NRG2: variants seen among roughly 807,000 people sequenced by gnomAD.
NRG2 encodes the protein neuregulin 2.
A neutral mutation model predicts 73.9 loss-of-function variants in NRG2; 27 were observed. That is an observed-to-expected ratio of 0.37 (90% CI 0.27 to 0.50). NRG2 has a LOEUF of 0.50. NRG2 is among the 20% of genes least tolerant of loss of function. The probability of loss-of-function intolerance (pLI) is 0.96; values close to 1 mark genes in which losing one functional copy is unlikely to be tolerated. For synonymous variants in NRG2, 532 were observed against 541.0 expected (o/e 0.98, Z 0.23); for missense variants, 1,126 against 1,210.1 (o/e 0.93, Z 1.03).
chr5:140,038,293 T>C (rs1761658895), intron 1 of NRG2, among the ~76,000 whole-genome samples: 1 of 152,170 alleles, frequency 6.6e-6, no homozygotes, highest in Non-Finnish European at 1.5e-5. Flanking sequence ...TGTTTGTTAA[T>C]TCAAACCGAC....
Position 139,855,938 on chromosome 5 carries a change from A to G in NRG2, c.1190-160T>C, listed in dbSNP as rs187164269. 1.1e-4 allele frequency among the ~76,000 whole-genome samples: 16 copies of G among 152,052 alleles called. No individual in the cohort carries two copies. In the East Asian group the frequency reaches 2.1e-3, roughly 20 times the overall value. On this transcript the variant is annotated intron_variant, in intron 5 of 9. Transcript: ENST00000361474. Reference sequence around the variant, plus strand: ...TTCTCCAGCCAGTTCCTTCCCTCCTACATGCTCTGTTTTGCCTTCCACTTC... The same window carrying G: ...TTCTCCAGCCAGTTCCTTCCCTCCTGCATGCTCTGTTTTGCCTTCCACTTC...
At chr5:139,935,091 C>T (rs867877383) in intron 1 of NRG2, among the ~76,000 whole-genome samples, 29 of 152,202 alleles carry the variant, frequency 1.9e-4, no homozygotes, top group Middle Eastern at 6.8e-3. Flanking sequence ...TGCTTGAACC[C>T]AGGAGGCAGA....
intron 3 of NRG2, 78 bp downstream of exon 3, chr5:139,880,778 G>A (rs1350024403): frequency 2.9e-6 from 3 of 1,039,954 alleles, no homozygotes; most frequent in Admixed American, 4.1e-5. Flanking sequence ...ATCACATGCA[G>A]GCCCCAAGGG....
chr5:139,915,552 T>C lies in NRG2; in HGVS notation c.701-28041A>G, dbSNP rs1251589761. Among the ~76,000 whole-genome samples the C allele has an allele frequency of 6.6e-6, 1 of 152,178 alleles. No individual in the cohort carries two copies. Among genetic ancestry groups the C allele is most frequent in the Non-Finnish European group, 1.5e-5 (1 of 68,026 alleles). ...AGGATGCTGAATTCCTCAGAGGAGA[T>C]TGCTACCAGGATTTTATTCCCAGTA... On this transcript the variant is annotated intron_variant, in intron 1 of 9. Transcript: ENST00000361474. The surrounding 1 kb of genome is among the most constrained non-coding windows in gnomAD (Gnocchi z 4.0).
At chr5:139,874,615 GCCTT>G (rs759798027) in intron 3 of NRG2, among the ~76,000 whole-genome samples, 1 of 152,204 alleles carries the variant, frequency 6.6e-6, no homozygotes, top group East Asian at 1.9e-4. Flanking sequence ...CTTCACTCTT[GCCTT>G]CATCTCCTTT....
intron 1 of NRG2, among the ~76,000 whole-genome samples, chr5:139,910,756 C>G (rs904817321): frequency 6.6e-6 from 1 of 152,162 alleles, no homozygotes; most frequent in African/African-American, 2.4e-5. Flanking sequence ...AGCTGGGACT[C>G]TGGTTGTAGG....
At chr5:140,002,973 AT>A (rs1163449906) in intron 1 of NRG2, among the ~76,000 whole-genome samples, 1 of 152,216 alleles carries the variant, frequency 6.6e-6, no homozygotes, top group Non-Finnish European at 1.5e-5. Context: ...TGGCTCCAAG[AT>A]TTTTGACCTG....
rs771644926 is a variant in NRG2 at position 139,865,540 on chromosome 5, C to G, written c.1189+9G>C. The G allele has an allele frequency of 2.5e-6, 4 of 1,610,990 alleles. No individual in the cohort carries two copies. On this transcript the variant is annotated intron_variant, in intron 5 of 9. Transcript: ENST00000361474. This position sits in a 1 kb window ranked among gnomAD's most constrained non-coding sequence, Gnocchi z 5.2. ...GAGCAGGGACTTGTGTTTGTATCTT[C>G]AAACATACTTTGCTTAGGATCTGGC...
chr5:139,963,992 A>G (rs1400664057), intron 1 of NRG2, among the ~76,000 whole-genome samples: 1 of 152,170 alleles, frequency 6.6e-6, no homozygotes, highest in Non-Finnish European at 1.5e-5. Flanking sequence ...AAAAAGAACA[A>G]GAGAAAAAAA....
chr5:139,939,083 G>C (rs1753159440), intron 1 of NRG2, among the ~76,000 whole-genome samples: 1 of 151,748 alleles, frequency 6.6e-6, no homozygotes, highest in Non-Finnish European at 1.5e-5. Flanking sequence ...TTGACCCTTA[G>C]ATCACACCAT....
At chr5:139,948,055 C>T (rs1303128023) in intron 1 of NRG2, among the ~76,000 whole-genome samples, 1 of 152,124 alleles carries the variant, frequency 6.6e-6, no homozygotes, top group African/African-American at 2.4e-5. Flanking sequence ...TATGCATAAA[C>T]AATTACTCCC....
At chr5:139,928,419 C>T (rs949156322) in intron 1 of NRG2, among the ~76,000 whole-genome samples, 12 of 152,186 alleles carry the variant, frequency 7.9e-5, no homozygotes, top group African/African-American at 2.9e-4. Flanking sequence ...TCTCTTTCTT[C>T]TTCACTGATG....
intron 2 of NRG2, among the ~76,000 whole-genome samples, chr5:139,885,971 G>A (rs1213500270): frequency 1.3e-5 from 2 of 152,164 alleles, no homozygotes; most frequent in East Asian, 3.9e-4. Context: ...AGCAGCCTTG[G>A]TAGGGCAGTG....
intron 1 of NRG2, among the ~76,000 whole-genome samples, chr5:139,939,541 C>T (rs1309656955): frequency 1.3e-5 from 2 of 152,058 alleles, no homozygotes; most frequent in Admixed American, 1.3e-4. Flanking sequence ...TCCCAAAGTG[C>T]TGGGATTACA....
At chr5:140,005,450 C>T (rs1285064115) in intron 1 of NRG2, among the ~76,000 whole-genome samples, 2 of 152,218 alleles carry the variant, frequency 1.3e-5, no homozygotes, top group Admixed American at 6.5e-5. Context: ...CTACTCACAG[C>T]ACTATGCTTC....
rs549769267 is a variant in NRG2 at position 139,956,397 on chromosome 5, A to G, written c.701-68886T>C. 1.1e-4 allele frequency among the ~76,000 whole-genome samples: 17 copies of G among 149,354 alleles called. No homozygotes were observed. The East Asian group carries it at 3.2e-3, about 28-fold the overall frequency. On this transcript the variant is annotated intron_variant, in intron 1 of 9. Transcript: ENST00000361474. ...TTTTGCAATTCCAGGCCCTACCTAC[A>G]TGAAGTACATGACTTTGACTTCTCT...
chr5:139,938,931 AAGAAAGAAAGAAAG>A (rs1167868891), intron 1 of NRG2, among the ~76,000 whole-genome samples: 14 of 145,014 alleles, frequency 9.7e-5, no homozygotes, highest in Non-Finnish European at 1.8e-4. Context: ...GAAAGAAAGA[AAGAAAGAAAGAAAG>A]AAAGAAAGAA....
chr5:139,848,020 T>G lies in NRG2; in HGVS notation c.2450A>C (p.Asp817Ala), dbSNP rs1561616765. ...GTCCAGTGAGTAGTAAGTCCTGCTG[T>G]CGGCCGCCGGGCACAGTGGCGGCGA... ...SDSPPLCPAADSRTYYSLDSH... is the reference protein window; with the variant it reads ...SDSPPLCPAAASRTYYSLDSH... Residue 817 changes from aspartate (D) to alanine (A), a missense_variant, in exon 10 of 10, where the codon GAC becomes GCC. By Grantham distance (126) the Asp-to-Ala change is moderately radical (BLOSUM62 -2). This residue lies in a region of NRG2 where 402 missense variants were observed against 357.8 expected (regional missense o/e 1.12). Transcript: ENST00000361474. The G allele has an allele frequency of 6.6e-7, 1 of 1,511,534 alleles. No individual in the cohort carries two copies. The highest frequency in any genetic ancestry group is 8.8e-7 in the Non-Finnish European group (1 of 1,134,870). The allele number at this position is 1,511,534 out of a possible 1,614,324, so 93.6% of individuals were successfully genotyped here.
intron 1 of NRG2, among the ~76,000 whole-genome samples, chr5:140,001,977 G>A (rs1320049173): frequency 6.6e-6 from 1 of 152,068 alleles, no homozygotes; most frequent in Non-Finnish European, 1.5e-5. Flanking sequence ...GAGCCCACGA[G>A]TTTGAGACCA....
Sources: gnomAD v4.1 joint callset for allele counts (sites outside exome capture counted in the v4.1 genomes callset) on GRCh38, gnomAD v4.1.1 for gene constraint, gnomAD v4.1.1 regional missense constraint, Gnocchi (gnomAD v3.1) non-coding constraint, MANE v1.5 for transcripts, NCBI Gene and HGNC (gene_info 2026-07-23, HGNC 2026-07-21) for gene names.